Variants in NAA15 observed in about 807,000 individuals in gnomAD.
The protein encoded by NAA15 is N-terminal acetyltransferase.
A neutral mutation model predicts 114.0 loss-of-function variants in NAA15; 34 were observed. The ratio of observed to expected loss-of-function variants is 0.30; its 90% CI spans 0.23 to 0.40. The LOEUF is 0.40. NAA15 is among the 10% of genes least tolerant of loss of function. NAA15 has a pLI of 1.00. For missense variants in NAA15, 658 were observed against 1,004.5 expected, an observed-to-expected ratio of 0.66 and a Z score of 4.66; for synonymous variants, 340 against 338.0, an observed-to-expected ratio of 1.01 and a Z score of -0.06.
chr4:139,323,126 G>A (rs1265265898), intron 1 of NAA15, among the ~76,000 whole-genome samples: 1 of 136,644 alleles, frequency 7.3e-6, no homozygotes, highest in Non-Finnish European at 1.5e-5. Context: ...GTATGATCTT[G>A]GCTCACTGTC....
chr4:139,340,782 T>TC, intron 3 of NAA15, 130 bp from the exon 4 acceptor site: 2 of 617,962 alleles, frequency 3.2e-6, no homozygotes, highest in Non-Finnish European at 5.2e-6. Flanking sequence ...GAAATCAATC[T>TC]CCCCCTCCCC....
intron 6 of NAA15, among the ~76,000 whole-genome samples, chr4:139,349,173 G>A (rs1033236387): frequency 2.6e-5 from 4 of 152,052 alleles, no homozygotes; most frequent in African/African-American, 9.7e-5. Context: ...AGATGGCTTG[G>A]TGACAGTGTG....
intron 10 of NAA15, among the ~76,000 whole-genome samples, chr4:139,355,864 A>T (rs561971908): frequency 1.3e-5 from 2 of 152,230 alleles, no homozygotes; most frequent in Non-Finnish European, 2.9e-5. Context: ...GCAACTGTTA[A>T]GAATTACCAA....
chr4:139,349,359 G>T, intron 6 of NAA15, 103 bp from the exon 7 acceptor site: 1 of 1,082,754 alleles, frequency 9.2e-7, no homozygotes, highest in South Asian at 1.8e-5. Flanking sequence ...TAGCAGCACT[G>T]ATTTATAATG....
chr4:139,378,640 T>TAGA (rs1748656510), intron 16 of NAA15, 116 bp from the exon 17 acceptor site: 2 of 474,296 alleles, frequency 4.2e-6, no homozygotes, highest in Non-Finnish European at 7.3e-6. Flanking sequence ...AATCGTATGT[T>TAGA]TGTGGTTCTG....
At chr4:139,334,292 C>T (rs1253938717) in intron 2 of NAA15, 34 bp downstream of exon 2, 1 of 1,364,670 alleles carries the variant, frequency 7.3e-7, no homozygotes, top group Non-Finnish European at 1.0e-6. Flanking sequence ...TACTACATAC[C>T]TGTCTGGCCT....
chr4:139,367,264 G>T (rs572987348), intron 14 of NAA15, among the ~76,000 whole-genome samples: 2 of 152,308 alleles, frequency 1.3e-5, no homozygotes, highest in Admixed American at 1.3e-4. Context: ...GTTCTTTGAT[G>T]AGGACCCAAG....
At chr4:139,306,473 G>A (rs926452517) in intron 1 of NAA15, among the ~76,000 whole-genome samples, 3 of 151,580 alleles carry the variant, frequency 2.0e-5, no homozygotes, top group African/African-American at 7.3e-5. Flanking sequence ...GACCTCAAGT[G>A]TTCTGCCTGC....
At chr4:139,379,765 T>C (rs537404500) in intron 17 of NAA15, among the ~76,000 whole-genome samples, 1 of 152,276 alleles carries the variant, frequency 6.6e-6, no homozygotes, top group Admixed American at 6.5e-5. Flanking sequence ...TCATTTTGGC[T>C]GGGTGGAGTG....
chr4:139,385,308 T>TATATATTATATATATATATATATTATA (rs1489273737), intron 18 of NAA15, among the ~76,000 whole-genome samples: 8 of 91,880 alleles, frequency 8.7e-5, no homozygotes, highest in Non-Finnish European at 1.0e-4. Context: ...ATAATATATA[T>TATATATTATATATATATATATATTATA]TATATATATA....
intron 15 of NAA15, among the ~76,000 whole-genome samples, chr4:139,371,979 G>A (rs113553316): frequency 0.035 from 5,379 of 152,198 alleles, 137 homozygotes; most frequent in Middle Eastern, 0.11. Flanking sequence ...GCAGTGGCGC[G>A]ATCTCGGCTC....
At chr4:139,317,948 AG>A (rs913583007) in intron 1 of NAA15, among the ~76,000 whole-genome samples, 2 of 152,216 alleles carry the variant, frequency 1.3e-5, no homozygotes, top group African/African-American at 4.8e-5. Flanking sequence ...TCTTTCTTCA[AG>A]TGACATAATT....
At chr4:139,376,282 A>T (rs564141758) in intron 15 of NAA15, 83 bp from the exon 16 acceptor site, 35 of 868,264 alleles carry the variant, frequency 4.0e-5, no homozygotes, top group Non-Finnish European at 5.3e-5. Flanking sequence ...TTTATTTTTT[A>T]AAAATAAGAA....
intron 1 of NAA15, 66 bp from the exon 2 acceptor site, chr4:139,334,108 T>C (rs1441909376): frequency 6.4e-6 from 6 of 932,924 alleles, no homozygotes; most frequent in African/African-American, 1.7e-5. Flanking sequence ...TAGAGAAATT[T>C]AGCGTTGAAT....
intron 17 of NAA15, among the ~76,000 whole-genome samples, chr4:139,382,519 A>G (rs1166485674): frequency 6.6e-6 from 1 of 152,172 alleles, no homozygotes; most frequent in East Asian, 1.9e-4. Context: ...CATGTAAAGT[A>G]TCCTGAAAGC....
At chr4:139,313,193 C>T (rs1392288979) in intron 1 of NAA15, among the ~76,000 whole-genome samples, 2 of 151,862 alleles carry the variant, frequency 1.3e-5, no homozygotes, top group Admixed American at 6.6e-5. Flanking sequence ...AAAGCCTGGC[C>T]TTGGTTGGTT....
At chr4:139,355,188 A>G (rs918086107) in intron 10 of NAA15, among the ~76,000 whole-genome samples, 2 of 152,108 alleles carry the variant, frequency 1.3e-5, no homozygotes, top group Non-Finnish European at 2.9e-5. Context: ...AAAAATTAAT[A>G]CTTTCTTAAT....
At chr4:139,370,976 G>T (rs975946647) in intron 15 of NAA15, among the ~76,000 whole-genome samples, 3 of 152,094 alleles carry the variant, frequency 2.0e-5, no homozygotes, top group Non-Finnish European at 4.4e-5. Flanking sequence ...CTGACCTGCT[G>T]GTTTTAACCA....
intron 1 of NAA15, among the ~76,000 whole-genome samples, chr4:139,332,981 A>G (rs1747074603): frequency 6.6e-6 from 1 of 152,142 alleles, no homozygotes; most frequent in Non-Finnish European, 1.5e-5. Context: ...CAAGTCCTTG[A>G]TATACAATGG....
Sources: gnomAD v4.1 joint callset for allele counts (sites outside exome capture counted in the v4.1 genomes callset) on GRCh38, gnomAD v4.1.1 for gene constraint, MANE v1.5 for transcripts, NCBI Gene and HGNC (gene_info 2026-07-23, HGNC 2026-07-21) for gene names.